Variants in COL4A3 observed in about 807,000 individuals in gnomAD.
The protein encoded by COL4A3 is collagen alpha-3(IV) chain.
COL4A3 carries 135 observed loss-of-function variants against 217.4 expected under a neutral mutation model. The ratio of observed to expected loss-of-function variants is 0.62; its 90% CI spans 0.54 to 0.72. The LOEUF (loss-of-function observed/expected upper bound fraction) is 0.72. Among genes scored for constraint, COL4A3 ranks in the 30% least tolerant of loss-of-function variants. The probability of loss-of-function intolerance (pLI) is 0.00; values close to 1 mark genes in which losing one functional copy is unlikely to be tolerated. For missense variants in COL4A3, 1,868 were observed against 2,119.9 expected (o/e 0.88, Z 2.33); for synonymous variants, 690 against 736.3 (o/e 0.94, Z 1.02).
intron 1 of COL4A3, among the ~76,000 whole-genome samples, chr2:227,215,296 A>G (rs915821687): frequency 5.3e-5 from 8 of 152,190 alleles, no homozygotes; most frequent in Non-Finnish European, 8.8e-5. Flanking sequence ...ATTTTTAATC[A>G]TTCTATGTAT....
rs112923423 is a variant in COL4A3 at position 227,300,779 on chromosome 2, A to C, written c.3882+1967A>C. Among the ~76,000 whole-genome samples the C allele has an allele frequency of 1.2e-3, 188 of 152,318 alleles. 1 individual carries two copies. The highest frequency in any genetic ancestry group is 4.4e-3 in the African/African-American group (182 of 41,568). On this transcript the variant is annotated intron_variant, in intron 43 of 51. Coordinates refer to ENST00000396578, the MANE Select transcript of COL4A3 (RefSeq NM_000091.5). ...TGGGGACACAGAGGAAGGGTATTTA[A>C]TCCAGACTGTAGAGGGAAGGTGTTC...
Position 227,312,107 on chromosome 2 carries a change from A to G in COL4A3, c.*237A>G. ...CTGTGGCAAAGCAGCAACTATTCAC[A>G]AAATATCACCAAAAACCTATTCCAC... On this transcript the variant is annotated 3_prime_UTR_variant, in exon 52 of 52. Transcript: ENST00000396578. 1.7e-6 allele frequency: 1 copy of G among 582,554 alleles called. No individual in the cohort carries two copies. Among genetic ancestry groups the G allele is most frequent in the Non-Finnish European group, 2.9e-6 (1 of 341,276 alleles). 36.1% of individuals were successfully genotyped at this position (582,554 alleles called of 1,614,324 possible).
At chr2:227,200,689 T>G (rs2066650757) in intron 1 of COL4A3, among the ~76,000 whole-genome samples, 1 of 152,196 alleles carries the variant, frequency 6.6e-6, no homozygotes, top group African/African-American at 2.4e-5. Context: ...TTCTAGAAAC[T>G]TATGCACAGA....
intron 1 of COL4A3, among the ~76,000 whole-genome samples, chr2:227,180,731 C>T (rs1011854368): frequency 1.3e-5 from 2 of 152,158 alleles, no homozygotes; most frequent in Non-Finnish European, 2.9e-5. Flanking sequence ...ACAATACAAT[C>T]GCACATTTTA....
chr2:227,174,906 T>C (rs545507288), intron 1 of COL4A3, among the ~76,000 whole-genome samples: 1 of 152,208 alleles, frequency 6.6e-6, no homozygotes, highest in South Asian at 2.1e-4. Flanking sequence ...GTAAACAAAA[T>C]AGTCTGAATC....
In COL4A3 at chr2:227,202,467, G is replaced by A. The variant is rs372843229; in HGVS notation, c.88-35501G>A. ...TTTTTAAAATATATTAATACTAGCC[G>A]GGCGCGGTGGCTCTCTCCTGTAATC... On this transcript the variant is annotated intron_variant, in intron 1 of 51. Transcript: ENST00000396578. 1.8e-4 allele frequency among the ~76,000 whole-genome samples: 27 copies of A among 151,882 alleles called. 1 individual carries two copies. The highest frequency in any genetic ancestry group is 4.6e-4 in the Admixed American group (7 of 15,222).
At chr2:227,165,567 AT>A (rs1281816662) in intron 1 of COL4A3, among the ~76,000 whole-genome samples, 7 of 152,144 alleles carry the variant, frequency 4.6e-5, no homozygotes, top group Non-Finnish European at 8.8e-5. Context: ...GACTCACTTG[AT>A]TTTACCTTGT....
At chr2:227,294,228 T>G in intron 38 of COL4A3, 1 of 456,222 alleles carries the variant, frequency 2.2e-6, no homozygotes, top group South Asian at 2.5e-5. Flanking sequence ...TGCATTTAAC[T>G]CGCAATTAAA....
chr2:227,297,586 C>A, intron 41 of COL4A3, 88 bp from the exon 42 acceptor site: 1 of 1,251,042 alleles, frequency 8.0e-7, no homozygotes, highest in Non-Finnish European at 1.1e-6. Flanking sequence ...CACTTTTAAG[C>A]AAAGTACCTA....
At chr2:227,245,125 T>A in intron 5 of COL4A3, 130 bp downstream of exon 5, 1 of 836,386 alleles carries the variant, frequency 1.2e-6, no homozygotes, top group Non-Finnish European at 2.0e-6. Flanking sequence ...CACCTTAGGA[T>A]GGTATATTAT....
chr2:227,277,666 T>C lies in COL4A3; in HGVS notation c.2125+113T>C. On this transcript the variant is annotated intron_variant, in intron 28 of 51. Coordinates refer to ENST00000396578, the MANE Select transcript of COL4A3 (RefSeq NM_000091.5). ...ATGAAGATATAAATAGGATATAAGA[T>C]ATAAAATGAGTAAAATAGGAAATAT... is the stretch of plus-strand genomic sequence containing the variant. 7.2e-6 allele frequency: 5 copies of C among 693,002 alleles called. No individual in the cohort carries two copies. The South Asian group carries it at 8.5e-5, about 12-fold the overall frequency. 42.9% of individuals were successfully genotyped at this position (693,002 alleles called of 1,614,324 possible). A position where few individuals can be genotyped will look rare whatever the true frequency, so the allele number is the denominator to read the frequency against.
At chr2:227,280,383 A>G in intron 29 of COL4A3, 57 bp from the exon 30 acceptor site, 3 of 1,590,384 alleles carry the variant, frequency 1.9e-6, no homozygotes, top group Non-Finnish European at 2.6e-6. Flanking sequence ...ACAGAGAGTC[A>G]ATATCAGTGA....
intron 23 of COL4A3, among the ~76,000 whole-genome samples, chr2:227,267,657 T>G (rs2070986898): frequency 1.3e-5 from 2 of 152,176 alleles, no homozygotes; most frequent in Admixed American, 1.3e-4. Context: ...CAGCCCATTG[T>G]TACTGTGCAA....
chr2:227,297,836 C>T lies in COL4A3; in HGVS notation c.3728C>T (p.Pro1243Leu), dbSNP rs2073099256. The T allele has an allele frequency of 6.4e-7, 1 of 1,561,900 alleles. No individual in the cohort carries two copies. Among genetic ancestry groups the T allele is most frequent in the Admixed American group, 1.9e-5 (1 of 51,872 alleles). Residue 1243 changes from proline (P) to leucine (L), a missense_variant, in exon 42 of 52, where the codon CCA becomes CTA. Pro to Leu is a moderately conservative substitution (Grantham distance 98, BLOSUM62 -3). This residue lies in a region of COL4A3 where 1,503 missense variants were observed against 1,786.1 expected (regional missense o/e 0.84). Transcript: ENST00000396578. ...IIPGQTGNRG[P>L]PGSRGSPGAP... ...CCTGGCCAGACAGGAAATCGTGGTCCACCAGGCTCAAGAGGAAGCCCAGGT... is the reference window on the plus strand; with the variant it reads ...CCTGGCCAGACAGGAAATCGTGGTCTACCAGGCTCAAGAGGAAGCCCAGGT...
chr2:227,250,064 G>C lies in COL4A3; in HGVS notation c.547-1076G>C, dbSNP rs2069638942. On this transcript the variant is annotated intron_variant, in intron 9 of 51. Coordinates refer to ENST00000396578, the MANE Select transcript of COL4A3 (RefSeq NM_000091.5). The surrounding 1 kb of genome is among the most constrained non-coding windows in gnomAD (Gnocchi z 4.1). ...CACAGTGCTCACACCTGTAATCCCA[G>C]CACTTTGGGAGGCCAAGGCAGGAGG... Among the ~76,000 whole-genome samples the C allele has an allele frequency of 6.6e-6, 1 of 152,190 alleles. No individual in the cohort carries two copies. Among genetic ancestry groups the C allele is most frequent in the Non-Finnish European group, 1.5e-5 (1 of 68,034 alleles).
intron 41 of COL4A3, chr2:227,296,570 G>T: frequency 1.2e-6 from 1 of 834,706 alleles, no homozygotes; most frequent in African/African-American, 1.8e-5. Context: ...ATCCTAAAAA[G>T]AAATCATATT....
chr2:227,228,087 A>T lies in COL4A3; in HGVS notation c.88-9881A>T, dbSNP rs2068196803. Among the ~76,000 whole-genome samples the T allele has an allele frequency of 2.6e-5, 4 of 152,324 alleles. No individual in the cohort carries two copies. In the South Asian group the frequency reaches 8.3e-4, roughly 32 times the overall value. ...TCTGTATGCTTGCTGTCATCCAGAA[A>T]ATCAAAAACGGGTGGCTGGCTTACA... On this transcript the variant is annotated intron_variant, in intron 1 of 51. Coordinates refer to ENST00000396578, the MANE Select transcript of COL4A3 (RefSeq NM_000091.5).
chr2:227,182,833 C>T (rs2065901471), intron 1 of COL4A3, among the ~76,000 whole-genome samples: 1 of 152,086 alleles, frequency 6.6e-6, no homozygotes, highest in Admixed American at 6.6e-5. Flanking sequence ...CACATATATC[C>T]AATTCAAGAA....
At chr2:227,299,135 C>T (rs2073167855) in intron 43 of COL4A3, among the ~76,000 whole-genome samples, 1 of 152,202 alleles carries the variant, frequency 6.6e-6, no homozygotes, top group Non-Finnish European at 1.5e-5. Flanking sequence ...GTGGCTCACG[C>T]CTGTAATCCC....
Sources: allele counts gnomAD v4.1 joint callset (sites outside exome capture counted in the v4.1 genomes callset), GRCh38; gene constraint gnomAD v4.1.1; regional missense constraint gnomAD v4.1.1; non-coding constraint Gnocchi (gnomAD v3.1); transcripts MANE v1.5; gene names NCBI Gene and HGNC (gene_info 2026-07-23, HGNC 2026-07-21).